PPP1R12A: variants seen among roughly 807,000 people sequenced by gnomAD.
PPP1R12A encodes the protein protein phosphatase 1 regulatory subunit 12A.
In PPP1R12A, 19 loss-of-function variants were observed where a neutral mutation model predicts 139.6. The ratio of observed to expected loss-of-function variants is 0.14; its 90% CI spans 0.09 to 0.20. The LOEUF (loss-of-function observed/expected upper bound fraction) is 0.20. Ranked by LOEUF, PPP1R12A falls within the 10% of genes least tolerant of loss-of-function variation. The pLI is 1.00. For missense variants in PPP1R12A, 925 were observed against 1,211.5 expected (o/e 0.76, Z 3.51); for synonymous variants, 427 against 420.6 (o/e 1.02, Z -0.19).
chr12:79,879,494 A>G (rs1883429133), intron 1 of PPP1R12A, among the ~76,000 whole-genome samples: 1 of 152,218 alleles, frequency 6.6e-6, no homozygotes, highest in African/African-American at 2.4e-5. Context: ...GGTGAGGTGT[A>G]GAAAGGGAGA....
intron 1 of PPP1R12A, among the ~76,000 whole-genome samples, chr12:79,898,273 A>T (rs936662679): frequency 3.3e-5 from 5 of 152,180 alleles, no homozygotes; most frequent in African/African-American, 9.7e-5. Context: ...AACATGGTGA[A>T]ACCCTGTCTC....
chr12:79,796,104 T>C (rs1872479322), intron 17 of PPP1R12A, among the ~76,000 whole-genome samples: 1 of 152,100 alleles, frequency 6.6e-6, no homozygotes, highest in African/African-American at 2.4e-5. Flanking sequence ...AATATATAGC[T>C]GGAAATTGGG....
intron 9 of PPP1R12A, among the ~76,000 whole-genome samples, chr12:79,810,953 A>G (rs1161994533): frequency 6.6e-6 from 1 of 152,126 alleles, no homozygotes; most frequent in Non-Finnish European, 1.5e-5. Context: ...TTCAACTATA[A>G]TAAAAACTAA....
intron 9 of PPP1R12A, among the ~76,000 whole-genome samples, chr12:79,814,508 C>T (rs1239002920): frequency 7.1e-6 from 1 of 141,216 alleles, no homozygotes; most frequent in Non-Finnish European, 1.5e-5. Context: ...AAAGGACTCC[C>T]CCTCTTCATT....
At chr12:79,886,966 A>G (rs542492204) in intron 1 of PPP1R12A, among the ~76,000 whole-genome samples, 1 of 152,226 alleles carries the variant, frequency 6.6e-6, no homozygotes, top group South Asian at 2.1e-4. Context: ...AGGGCACAGA[A>G]TTTCTTCTGG....
chr12:79,835,246 C>G (rs1480819531), intron 3 of PPP1R12A, among the ~76,000 whole-genome samples: 1 of 152,156 alleles, frequency 6.6e-6, no homozygotes, highest in African/African-American at 2.4e-5. Context: ...TCAGGCGTGA[C>G]AGGCACTGCA....
intron 2 of PPP1R12A, among the ~76,000 whole-genome samples, chr12:79,867,690 T>C (rs755837267): frequency 2.6e-4 from 39 of 152,306 alleles, no homozygotes; most frequent in Admixed American, 1.3e-3. Context: ...AAATCTCATC[T>C]TGAATTGTAG....
At position 79,786,482 on chromosome 12, in the gene PPP1R12A, T is replaced by A. The variant is rs756314012; in HGVS notation, c.2803-4A>T. ...CAGCTAGAATTTGTTCATAAAGCTA[T>A]AAAAATTAGGGTAAAAGAACAAATT... On this transcript the variant is annotated splice_region_variant and splice_polypyrimidine_tract_variant and intron_variant, in intron 21 of 24. Transcript: ENST00000450142. 6.6e-7 allele frequency: 1 copy of A among 1,516,906 alleles called. No homozygotes were observed. Among genetic ancestry groups the A allele is most frequent in the Admixed American group, 2.2e-5 (1 of 44,800 alleles). 94.0% of individuals were successfully genotyped at this position (1,516,906 alleles called of 1,614,324 possible).
At position 79,809,779 on chromosome 12, in the gene PPP1R12A, C is replaced by G. The variant is rs1243962995; in HGVS notation, c.1455+16G>C. 6.3e-7 allele frequency: 1 copy of G among 1,585,890 alleles called. No individual in the cohort carries two copies. Among genetic ancestry groups the G allele is most frequent in the Non-Finnish European group, 8.6e-7 (1 of 1,158,776 alleles). Reference sequence around the variant, plus strand: ...CATAACAGTTTTCATAGAAACCAGACTGTGAAATAGATTACCTTTTCTTTA... The same window carrying G: ...CATAACAGTTTTCATAGAAACCAGAGTGTGAAATAGATTACCTTTTCTTTA... On this transcript the variant is annotated intron_variant, in intron 10 of 24. Coordinates refer to ENST00000450142, the MANE Select transcript of PPP1R12A (RefSeq NM_002480.3).
intron 13 of PPP1R12A, 146 bp downstream of exon 13, chr12:79,806,020 G>A: frequency 1.8e-6 from 2 of 1,124,712 alleles, no homozygotes; most frequent in Non-Finnish European, 2.5e-6. Context: ...ATGCATAATT[G>A]CCTCATTTTG....
chr12:79,782,532 GC>G, intron 22 of PPP1R12A: 1 of 453,032 alleles, frequency 2.2e-6, no homozygotes, highest in South Asian at 1.6e-5. Flanking sequence ...TATAAGCTTG[GC>G]TTTAAGGGAT....
chr12:79,776,665 A>G (rs1869765759), intron 24 of PPP1R12A, among the ~76,000 whole-genome samples: 2 of 152,262 alleles, frequency 1.3e-5, no homozygotes, highest in Admixed American at 6.5e-5. Context: ...AAAATAACCA[A>G]TTTTGAAGCA....
intron 9 of PPP1R12A, among the ~76,000 whole-genome samples, chr12:79,812,341 CT>C (rs1180169129): frequency 1.3e-5 from 2 of 148,954 alleles, no homozygotes; most frequent in African/African-American, 4.9e-5. Context: ...TCTTCACCTT[CT>C]TTTTCTTTTT....
At chr12:79,900,362 T>C (rs1458058124) in intron 1 of PPP1R12A, among the ~76,000 whole-genome samples, 1 of 152,184 alleles carries the variant, frequency 6.6e-6, no homozygotes. Flanking sequence ...ATAAGCTCCA[T>C]GTAAACTCCA....
At chr12:79,778,725 G>A (rs1306620365) in intron 23 of PPP1R12A, 125 bp from the exon 24 acceptor site, 1 of 548,812 alleles carries the variant, frequency 1.8e-6, no homozygotes, top group African/African-American at 1.9e-5. Context: ...GAAAAGATGT[G>A]ATGCCAGTGA....
chr12:79,813,766 G>C (rs956645136), intron 9 of PPP1R12A, among the ~76,000 whole-genome samples: 1 of 152,174 alleles, frequency 6.6e-6, no homozygotes, highest in Non-Finnish European at 1.5e-5. Context: ...TTCAGCGGAA[G>C]GGTTAAGGAA....
chr12:79,801,345 C>CAAAAAAAAAAAAA (rs201977462), intron 14 of PPP1R12A, among the ~76,000 whole-genome samples: 9 of 20,188 alleles, frequency 4.5e-4, no homozygotes, highest in East Asian at 4.9e-4. Flanking sequence ...AACTCTGTCT[C>CAAAAAAAAAAAAA]AAAAAAAAAA....
chr12:79,875,125 T>C (rs1375629167), intron 1 of PPP1R12A, among the ~76,000 whole-genome samples: 2 of 152,192 alleles, frequency 1.3e-5, no homozygotes, highest in Non-Finnish European at 2.9e-5. Flanking sequence ...AACTCCATAA[T>C]TTTCAGATTA....
intron 1 of PPP1R12A, among the ~76,000 whole-genome samples, chr12:79,902,217 T>C (rs1301477128): frequency 6.6e-6 from 1 of 152,186 alleles, no homozygotes. Flanking sequence ...ATCAAATCTA[T>C]AGTAAGTGTT....
Sources: allele counts gnomAD v4.1 joint callset (sites outside exome capture counted in the v4.1 genomes callset), GRCh38; gene constraint gnomAD v4.1.1; transcripts MANE v1.5; gene names NCBI Gene and HGNC (gene_info 2026-07-23, HGNC 2026-07-21).